TMEM117: variants seen among roughly 807,000 people sequenced by gnomAD.
TMEM117 encodes transmembrane protein 117.
TMEM117 carries 27 observed loss-of-function variants against 52.4 expected under a neutral mutation model. The observed-to-expected ratio is 0.51, with a 90% CI of 0.38 to 0.71. The LOEUF (loss-of-function observed/expected upper bound fraction) is 0.71. Ranked by LOEUF, TMEM117 falls within the 30% of genes least tolerant of loss-of-function variation. The pLI is 0.00. For missense variants in TMEM117, 556 were observed against 630.5 expected (o/e 0.88, Z 1.26); for synonymous variants, 215 against 206.3 (o/e 1.04, Z -0.36).
chr12:44,352,477 G>A (rs1951578067), intron 6 of TMEM117, among the ~76,000 whole-genome samples: 1 of 151,834 alleles, frequency 6.6e-6, no homozygotes, highest in Non-Finnish European at 1.5e-5. Context: ...CCCGGAGTGT[G>A]ATGTTCCCCT....
At chr12:44,317,163 A>G (rs1951066443) in intron 6 of TMEM117, among the ~76,000 whole-genome samples, 1 of 150,732 alleles carries the variant, frequency 6.6e-6, no homozygotes, top group Non-Finnish European at 1.5e-5. Context: ...CACAATATTC[A>G]GATTTTTCAT....
intron 4 of TMEM117, among the ~76,000 whole-genome samples, chr12:44,184,994 T>A (rs920441161): frequency 2.0e-5 from 3 of 152,176 alleles, no homozygotes; most frequent in Non-Finnish European, 4.4e-5. Context: ...TAAGCCCTAC[T>A]CAGTCTTTGA....
intron 3 of TMEM117, among the ~76,000 whole-genome samples, chr12:44,047,003 G>C (rs1423151389): frequency 6.6e-6 from 1 of 152,100 alleles, no homozygotes; most frequent in Non-Finnish European, 1.5e-5. Context: ...TGACACGGGG[G>C]TGAACTTGTG....
chr12:43,836,725 A>G (rs1409890030), intron 1 of TMEM117, among the ~76,000 whole-genome samples: 4 of 151,902 alleles, frequency 2.6e-5, no homozygotes, highest in African/African-American at 4.8e-5. Context: ...TTTCATTCCT[A>G]TTTTTGAAAA....
chr12:43,888,538 G>GT (rs1944040417), intron 2 of TMEM117, among the ~76,000 whole-genome samples: 3 of 118,434 alleles, frequency 2.5e-5, no homozygotes, highest in African/African-American at 9.4e-5. Flanking sequence ...GTGCACATTA[G>GT]TTTTCTTTTT....
At chr12:44,217,595 A>G (rs1384565777) in intron 5 of TMEM117, among the ~76,000 whole-genome samples, 1 of 152,204 alleles carries the variant, frequency 6.6e-6, no homozygotes, top group East Asian at 1.9e-4. Flanking sequence ...TGCACCAAGG[A>G]AGTTTTCTGA....
At chr12:43,848,873 C>T (rs1029623271) in intron 2 of TMEM117, among the ~76,000 whole-genome samples, 1 of 152,190 alleles carries the variant, frequency 6.6e-6, no homozygotes, top group African/African-American at 2.4e-5. Context: ...GAGTCCCTGA[C>T]TTCCTGTAAC....
intron 7 of TMEM117, among the ~76,000 whole-genome samples, chr12:44,379,247 T>C (rs552531667): frequency 3.8e-4 from 58 of 152,022 alleles, no homozygotes; most frequent in Admixed American, 3.2e-3. Flanking sequence ...TCCTAGCCAC[T>C]TGGGAGGCTG....
intron 3 of TMEM117, among the ~76,000 whole-genome samples, chr12:44,025,732 G>A (rs919753487): frequency 2.6e-5 from 4 of 152,032 alleles, no homozygotes; most frequent in Admixed American, 2.0e-4. Flanking sequence ...CTTAAGAAAA[G>A]GAACATTTCT....
chr12:44,323,547 C>G (rs1951160000), intron 6 of TMEM117, among the ~76,000 whole-genome samples: 1 of 152,026 alleles, frequency 6.6e-6, no homozygotes, highest in South Asian at 2.1e-4. Context: ...TTTTTTCTTA[C>G]CCATTTGACC....
Position 44,185,689 on chromosome 12 carries a change from A to G in TMEM117, c.511-25601A>G, listed in dbSNP as rs148548652. On this transcript the variant is annotated intron_variant, in intron 4 of 7. Transcript: ENST00000266534. ...AATATTCCAGTATTTCACCATGTGC[A>G]ATGAATAGCACTGACTTAGTGGTGC... Among the ~76,000 whole-genome samples the G allele has an allele frequency of 8.2e-3, 1,241 of 152,252 alleles. 13 individuals are homozygous for G. Among genetic ancestry groups the G allele is most frequent in the African/African-American group, 0.028 (1,182 of 41,540 alleles).
At chr12:43,838,949 G>A (rs2137340936) in intron 1 of TMEM117, among the ~76,000 whole-genome samples, 1 of 152,168 alleles carries the variant, frequency 6.6e-6, no homozygotes, top group East Asian at 1.9e-4. Context: ...CAAGTTTGCT[G>A]TCTATATCTA....
intron 2 of TMEM117, among the ~76,000 whole-genome samples, chr12:43,905,307 G>C (rs2137515415): frequency 1.3e-5 from 2 of 152,242 alleles, no homozygotes; most frequent in South Asian, 4.1e-4. Context: ...GAATACTTGA[G>C]TATTCTTTCT....
the TMEM117 span, among the ~76,000 whole-genome samples, chr12:43,808,366 A>G: frequency 6.6e-6 from 1 of 152,190 alleles, no homozygotes; most frequent in Admixed American, 6.5e-5. Flanking sequence ...CACGTGAATG[A>G]CCCTGCTTGG....
At chr12:44,229,019 TA>T (rs1209660695) in intron 5 of TMEM117, among the ~76,000 whole-genome samples, 2 of 152,072 alleles carry the variant, frequency 1.3e-5, no homozygotes, top group African/African-American at 4.8e-5. Context: ...GTGGCAGTGG[TA>T]CAGGTGGAGA....
chr12:44,030,108 AAG>A (rs1445508982), intron 3 of TMEM117, among the ~76,000 whole-genome samples: 3 of 152,226 alleles, frequency 2.0e-5, no homozygotes, highest in Admixed American at 6.5e-5. Flanking sequence ...GAAAAGTAAA[AAG>A]AGTAATGCTT....
chr12:43,910,291 A>G lies in TMEM117; in HGVS notation c.278-33919A>G, dbSNP rs1478820584. ...CAGAAAAGGCCTTTGACAAAATTCAACAACCCTTCATGCTAAAAACTCTCA... is the reference window on the plus strand; with the variant it reads ...CAGAAAAGGCCTTTGACAAAATTCAGCAACCCTTCATGCTAAAAACTCTCA... On this transcript the variant is annotated intron_variant, in intron 2 of 7. Coordinates refer to ENST00000266534, the MANE Select transcript of TMEM117 (RefSeq NM_032256.3). 2.0e-5 allele frequency among the ~76,000 whole-genome samples: 3 copies of G among 151,158 alleles called. No individual in the cohort carries two copies. The East Asian group carries it at 5.8e-4, about 29-fold the overall frequency.
In TMEM117 at chr12:43,868,327, G is replaced by A. The variant is rs570948318; in HGVS notation, c.277+23399G>A. Among the ~76,000 whole-genome samples, 161 of 152,052 alleles carry A rather than the reference G, an allele frequency of 1.1e-3. 2 individuals carry two copies. The highest frequency in any genetic ancestry group is 3.4e-3 in the African/African-American group (140 of 41,478). ...AGGCCAAGGCGGTTGGATTGCCTGA[G>A]CTCAGGAGTTTGAGACCAGCCTGGG... On this transcript the variant is annotated intron_variant, in intron 2 of 7. Coordinates refer to ENST00000266534, the MANE Select transcript of TMEM117 (RefSeq NM_032256.3).
the TMEM117 span, among the ~76,000 whole-genome samples, chr12:43,821,712 A>G: frequency 6.6e-6 from 1 of 152,228 alleles, no homozygotes; most frequent in Admixed American, 6.5e-5. Flanking sequence ...ACAAATCAGC[A>G]GTGGCAGAGC....
Sources: gnomAD v4.1 joint callset for allele counts (sites outside exome capture counted in the v4.1 genomes callset) on GRCh38, gnomAD v4.1.1 for gene constraint, MANE v1.5 for transcripts, NCBI Gene and HGNC (gene_info 2026-07-23, HGNC 2026-07-21) for gene names.